CNTNAP2: variants seen among roughly 807,000 people sequenced by gnomAD.
The protein encoded by CNTNAP2 is contactin associated protein 2, also known as contactin-associated protein-like 2.
Under a neutral mutation model 155.2 loss-of-function variants are expected in CNTNAP2, and 98 were observed. The observed-to-expected ratio is 0.63, with a 90% CI of 0.54 to 0.75. CNTNAP2 has a LOEUF of 0.75. Among genes scored for constraint, CNTNAP2 ranks in the 30% least tolerant of loss-of-function variants. The probability of loss-of-function intolerance (pLI) is 0.00; values close to 1 mark genes in which losing one functional copy is unlikely to be tolerated. For synonymous variants in CNTNAP2, 651 were observed against 631.2 expected (o/e 1.03, Z -0.47); for missense variants, 1,727 against 1,688.1 (o/e 1.02, Z -0.40).
At chr7:147,769,307 T>C (rs1043610235) in intron 13 of CNTNAP2, among the ~76,000 whole-genome samples, 2 of 152,154 alleles carry the variant, frequency 1.3e-5, no homozygotes. Context: ...CAGCACATAC[T>C]ATGTTCGCTG....
At position 147,292,291 on chromosome 7, in the gene CNTNAP2, T is replaced by A. The variant is rs541000556; in HGVS notation, c.1349-7850T>A. Among the ~76,000 whole-genome samples the A allele has an allele frequency of 3.3e-5, 5 of 152,298 alleles. No homozygotes were observed. The South Asian group carries it at 1.0e-3, about 32-fold the overall frequency. ...GGCATCATTTTTTGTAAAAGACACT[T>A]TTCATTCACCATTAAATTGTCTTGG... On this transcript the variant is annotated intron_variant, in intron 8 of 23. Transcript: ENST00000361727.
intron 8 of CNTNAP2, among the ~76,000 whole-genome samples, chr7:147,144,791 A>C (rs1801667766): frequency 6.6e-6 from 1 of 152,224 alleles, no homozygotes. Context: ...AGGCATCAAT[A>C]TTGAAAAATA....
intron 4 of CNTNAP2, 85 bp from the exon 5 acceptor site, chr7:147,108,062 C>A: frequency 8.4e-7 from 1 of 1,193,404 alleles, no homozygotes; most frequent in Admixed American, 1.8e-5. Flanking sequence ...TTACTTAATT[C>A]TCATTTATTC....
At chr7:146,848,778 A>G (rs763565981) in intron 3 of CNTNAP2, among the ~76,000 whole-genome samples, 10 of 152,122 alleles carry the variant, frequency 6.6e-5, no homozygotes, top group Non-Finnish European at 1.5e-4. Flanking sequence ...GCTGACCTTT[A>G]TCTATTTATT....
chr7:146,512,495 T>A (rs1456711837), intron 1 of CNTNAP2, among the ~76,000 whole-genome samples: 1 of 151,556 alleles, frequency 6.6e-6, no homozygotes, highest in Non-Finnish European at 1.5e-5. Flanking sequence ...TTTTACATTT[T>A]CTCTTGTTTC....
intron 3 of CNTNAP2, among the ~76,000 whole-genome samples, chr7:146,874,424 C>G (rs1795378505): frequency 6.6e-6 from 1 of 152,140 alleles, no homozygotes; most frequent in African/African-American, 2.4e-5. Context: ...ACTGTAACCG[C>G]TGTCTCCAGG....
intron 1 of CNTNAP2, among the ~76,000 whole-genome samples, chr7:146,186,064 A>C (rs1232782543): frequency 1.3e-5 from 2 of 152,112 alleles, no homozygotes; most frequent in Non-Finnish European, 1.5e-5. Context: ...GTGTCAGTGC[A>C]TACAGCCAGA....
chr7:147,569,462 G>A (rs970177246), intron 12 of CNTNAP2, among the ~76,000 whole-genome samples: 15 of 152,166 alleles, frequency 9.9e-5, no homozygotes, highest in African/African-American at 2.9e-4. Context: ...CTAGAATGGT[G>A]GTCCTATAAG....
chr7:147,368,018 C>CA (rs1167365414), intron 9 of CNTNAP2, among the ~76,000 whole-genome samples: 32 of 106,098 alleles, frequency 3.0e-4, no homozygotes, highest in African/African-American at 1.3e-3. Context: ...CTCTCTCCCC[C>CA]CCCTCCCCCT....
intron 8 of CNTNAP2, among the ~76,000 whole-genome samples, chr7:147,267,561 T>G (rs2116697763): frequency 6.6e-6 from 1 of 151,734 alleles, no homozygotes; most frequent in Admixed American, 6.6e-5. Flanking sequence ...TTAACACATT[T>G]TTTTTTTTCT....
intron 1 of CNTNAP2, among the ~76,000 whole-genome samples, chr7:146,406,407 A>G (rs1795792288): frequency 6.6e-6 from 1 of 152,250 alleles, no homozygotes; most frequent in East Asian, 1.9e-4. Context: ...TTCTCTTCAG[A>G]CATGGTTGAG....
intron 1 of CNTNAP2, among the ~76,000 whole-genome samples, chr7:146,268,615 C>T (rs1800031156): frequency 6.6e-6 from 1 of 152,010 alleles, no homozygotes; most frequent in African/African-American, 2.4e-5. Flanking sequence ...ACCAAAACAG[C>T]TCCTGAGTAG....
chr7:147,599,651 G>A lies in CNTNAP2; in HGVS notation c.1897+37394G>A, dbSNP rs545075332. On this transcript the variant is annotated intron_variant, in intron 12 of 23. Coordinates refer to ENST00000361727, the MANE Select transcript of CNTNAP2 (RefSeq NM_014141.6). Reference sequence around the variant, plus strand: ...TCTTTCCTTGCCTCTTCCAGCTTCTGGTGGTTGCAATCCTTGAGTTCTTTG... The same window carrying A: ...TCTTTCCTTGCCTCTTCCAGCTTCTAGTGGTTGCAATCCTTGAGTTCTTTG... Among the ~76,000 whole-genome samples, 5 of 152,196 alleles carry A rather than the reference G, an allele frequency of 3.3e-5. No homozygotes were observed. The South Asian group carries it at 1.0e-3, about 32-fold the overall frequency.
At chr7:146,850,086 G>GGCAA (rs2129202919) in intron 3 of CNTNAP2, among the ~76,000 whole-genome samples, 1 of 152,280 alleles carries the variant, frequency 6.6e-6, no homozygotes, top group Non-Finnish European at 1.5e-5. Context: ...TGGTTTGCTT[G>GGCAA]AGTTAAATAG....
At chr7:146,597,416 A>G (rs182351387) in intron 1 of CNTNAP2, among the ~76,000 whole-genome samples, 1 of 152,182 alleles carries the variant, frequency 6.6e-6, no homozygotes, top group East Asian at 1.9e-4. Context: ...TAAAAAAATG[A>G]ATACATTGAG....
chr7:146,545,296 C>T (rs947307660), intron 1 of CNTNAP2, among the ~76,000 whole-genome samples: 15 of 151,730 alleles, frequency 9.9e-5, no homozygotes, highest in African/African-American at 3.4e-4. Flanking sequence ...GTGAACTGTT[C>T]GAAGTTCTCT....
chr7:146,289,165 A>T (rs1800389129), intron 1 of CNTNAP2, among the ~76,000 whole-genome samples: 1 of 152,144 alleles, frequency 6.6e-6, no homozygotes, highest in African/African-American at 2.4e-5. Context: ...AACCAATGTA[A>T]TGGCTGAAGA....
At chr7:146,504,700 A>G (rs1333904850) in intron 1 of CNTNAP2, among the ~76,000 whole-genome samples, 1 of 152,190 alleles carries the variant, frequency 6.6e-6, no homozygotes, top group African/African-American at 2.4e-5. Context: ...CCAGGAACGT[A>G]GCACCTTCCA....
chr7:147,869,952 T>C (rs1159259282), intron 13 of CNTNAP2, among the ~76,000 whole-genome samples: 1 of 152,174 alleles, frequency 6.6e-6, no homozygotes, highest in Non-Finnish European at 1.5e-5. Context: ...TAACCTGTAC[T>C]AAATATTTTG....
Sources: allele counts gnomAD v4.1 joint callset (sites outside exome capture counted in the v4.1 genomes callset), GRCh38; gene constraint gnomAD v4.1.1; transcripts MANE v1.5; gene names NCBI Gene and HGNC (gene_info 2026-07-23, HGNC 2026-07-21).